Variants in JAKMIP3 observed in about 807,000 individuals in gnomAD.
The protein encoded by JAKMIP3 is Janus kinase and microtubule interacting protein 3.
A neutral mutation model predicts 118.5 loss-of-function variants in JAKMIP3; 58 were observed. The ratio of observed to expected loss-of-function variants is 0.49; its 90% CI spans 0.40 to 0.61. The LOEUF is 0.61. Ranked by LOEUF, JAKMIP3 falls within the 20% of genes least tolerant of loss-of-function variation. The pLI, the probability that JAKMIP3 is intolerant of heterozygous loss-of-function variation, is 0.00. For missense variants in JAKMIP3, 950 were observed against 1,109.0 expected, an observed-to-expected ratio of 0.86 and a Z score of 2.04; for synonymous variants, 486 against 451.2, an observed-to-expected ratio of 1.08 and a Z score of -0.98.
chr10:132,150,089 C>T, intron 16 of JAKMIP3, 48 bp downstream of exon 16: 1 of 1,487,344 alleles, frequency 6.7e-7, no homozygotes, highest in Non-Finnish European at 9.2e-7. Context: ...CCACAACCCC[C>T]AGCCCAGCCC....
At chr10:132,105,873 ATCTCTC>A (rs2045824287) in intron 2 of JAKMIP3, among the ~76,000 whole-genome samples, 1 of 134,334 alleles carries the variant, frequency 7.4e-6, no homozygotes, top group Admixed American at 7.1e-5. Context: ...CATCAAAGGC[ATCTCTC>A]TTGGGACCTG....
chr10:132,117,488 G>GCCGCAGAGAT lies in JAKMIP3; in HGVS notation c.554_563dup (p.Ser188ArgfsTer34). On this transcript the variant is annotated frameshift_variant, in exon 3 of 24. Transcript: ENST00000684848. The surrounding 1 kb of genome is among the most constrained non-coding windows in gnomAD (Gnocchi z 8.6). ...GGTGATCCAAGCGGACAAGATCAAGGCCGCAGAGATCCGCAGCGTGTACCA... is the reference window on the plus strand; with the variant it reads ...GGTGATCCAAGCGGACAAGATCAAGGCCGCAGAGATCCGCAGAGATCCGCAGCGTGTACCA... 6.2e-7 allele frequency: 1 copy of GCCGCAGAGAT among 1,613,288 alleles called. No individual in the cohort carries two copies. The highest frequency in any genetic ancestry group is 8.5e-7 in the Non-Finnish European group (1 of 1,179,706).
chr10:132,086,510 G>A (rs1564881645), intron 1 of JAKMIP3, among the ~76,000 whole-genome samples: 4 of 152,202 alleles, frequency 2.6e-5, no homozygotes, highest in Non-Finnish European at 1.5e-5. Context: ...TTTAGGTCTA[G>A]TAGTAATTGT....
intron 1 of JAKMIP3, among the ~76,000 whole-genome samples, chr10:132,066,922 A>G (rs1393554929): frequency 1.3e-5 from 2 of 152,080 alleles, no homozygotes; most frequent in Non-Finnish European, 2.9e-5. Context: ...AGGGATGTAA[A>G]TACTTGCTGC....
chr10:132,104,826 G>A lies in JAKMIP3; in HGVS notation c.18G>A (p.Met6Ile). The A allele has an allele frequency of 1.3e-6, 2 of 1,552,546 alleles. No individual in the cohort carries two copies. Among genetic ancestry groups the A allele is most frequent in the Non-Finnish European group, 1.7e-6 (2 of 1,147,878 alleles). Residue 6 changes from methionine (M) to isoleucine (I), a missense_variant, in exon 2 of 24, where the codon ATG becomes ATA. By Grantham distance (10) the Met-to-Ile change is conservative. Coordinates refer to ENST00000684848, the MANE Select transcript of JAKMIP3 (RefSeq NM_001323087.2). ...GCCTCACCATGTCCAAGAGGGGCATGAGCAGCCGGGCCAAGGGGGACAAGG... is the reference window on the plus strand; with the variant it reads ...GCCTCACCATGTCCAAGAGGGGCATAAGCAGCCGGGCCAAGGGGGACAAGG... MSKRG[M>I]SSRAKGDKAE...
upstream of JAKMIP3, among the ~76,000 whole-genome samples, chr10:132,065,366 C>G (rs2038633172): frequency 6.6e-6 from 1 of 152,102 alleles, no homozygotes; most frequent in African/African-American, 2.4e-5. This position sits in a 1 kb window ranked among gnomAD's most constrained non-coding sequence, Gnocchi z 5.6. Flanking sequence ...ATTTTCAGTC[C>G]TCAGTGTTGA....
At chr10:132,165,107 G>A (rs912151645) in intron 21 of JAKMIP3, among the ~76,000 whole-genome samples, 4 of 152,218 alleles carry the variant, frequency 2.6e-5, no homozygotes, top group African/African-American at 4.8e-5. Context: ...CCTTTGATCC[G>A]TGCAGGTTCA....
rs112574365 is a variant in JAKMIP3, at chr10:132,097,904, T to TC, written c.-137-6764dup. On this transcript the variant is annotated intron_variant, in intron 1 of 23. Transcript: ENST00000684848. ...TATTTTCTTCCCTTCCCCTTCCCCTTCCCCTTCCCCTTCCCCTTTCCTTCC... is the reference window on the plus strand; with the variant it reads ...TATTTTCTTCCCTTCCCCTTCCCCTTCCCCCTTCCCCTTCCCCTTTCCTTCC... Among the ~76,000 whole-genome samples, 2 of 62,694 alleles carry TC rather than the reference T, an allele frequency of 3.2e-5. 1 individual carries two copies. The highest frequency in any genetic ancestry group is 3.1e-4 in the Admixed American group (2 of 6,516). 41.1% of individuals were successfully genotyped at this position (62,694 alleles called of 152,430 possible).
At chr10:132,063,147 C>T (rs895755178), upstream of JAKMIP3, among the ~76,000 whole-genome samples, 23 of 152,144 alleles carry the variant, frequency 1.5e-4, no homozygotes, top group African/African-American at 5.1e-4. Context: ...GGACAGGTGA[C>T]AACTGCCCGT....
intron 3 of JAKMIP3, among the ~76,000 whole-genome samples, chr10:132,132,239 G>A (rs777034760): frequency 1.3e-5 from 2 of 152,184 alleles, no homozygotes; most frequent in Non-Finnish European, 2.9e-5. Flanking sequence ...TTATTAGCTT[G>A]TTTAAACCTC....
chr10:132,104,789 C>T lies in JAKMIP3; in HGVS notation c.-20C>T. 3 of 1,547,780 alleles carry T rather than the reference C, an allele frequency of 1.9e-6. No individual in the cohort carries two copies. The highest frequency in any genetic ancestry group is 2.6e-6 in the Non-Finnish European group (3 of 1,145,040). On this transcript the variant is annotated 5_prime_UTR_variant, in exon 2 of 24. Transcript: ENST00000684848. ...GGAGCACCCTACCCCTGGGCATCCCCCTGGCCATCCAGCCTCACCATGTCC... is the reference window on the plus strand; with the variant it reads ...GGAGCACCCTACCCCTGGGCATCCCTCTGGCCATCCAGCCTCACCATGTCC...
At chr10:132,114,433 C>T (rs1401551569) in intron 2 of JAKMIP3, among the ~76,000 whole-genome samples, 2 of 152,084 alleles carry the variant, frequency 1.3e-5, no homozygotes, top group Non-Finnish European at 2.9e-5. Flanking sequence ...CTGTGTTGCC[C>T]AGGCTGGTCT....
At position 132,183,613 on chromosome 10, in the gene JAKMIP3, G is replaced by A. The variant is rs1292801913; in HGVS notation, c.*2360G>A. 2.0e-5 allele frequency: 3 copies of A among 152,214 alleles called. No individual in the cohort carries two copies. The highest frequency in any genetic ancestry group is 4.4e-5 in the Non-Finnish European group (3 of 68,044). 9.4% of individuals were successfully genotyped at this position (152,214 alleles called of 1,614,324 possible). A position where few individuals can be genotyped will look rare whatever the true frequency, so the allele number is the denominator to read the frequency against. On this transcript the variant is annotated 3_prime_UTR_variant, in exon 24 of 24. Coordinates refer to ENST00000684848, the MANE Select transcript of JAKMIP3 (RefSeq NM_001323087.2). ...AAAAAGTATGTATATAGGAACGGGA[G>A]AAGGTGCAAGGAATGTGCTGAATAA...
chr10:132,109,138 A>G (rs1246045188), intron 2 of JAKMIP3, among the ~76,000 whole-genome samples: 1 of 150,092 alleles, frequency 6.7e-6, no homozygotes, highest in Non-Finnish European at 1.5e-5. Context: ...ACACACATAT[A>G]TATATATATA....
chr10:132,156,580 C>T (rs1346148326), intron 19 of JAKMIP3, among the ~76,000 whole-genome samples: 2 of 152,152 alleles, frequency 1.3e-5, no homozygotes, highest in Non-Finnish European at 2.9e-5. Flanking sequence ...CACTGCAAGC[C>T]TCAGTTTGGT....
At chr10:132,120,210 G>A (rs1344239471) in intron 3 of JAKMIP3, among the ~76,000 whole-genome samples, 1 of 152,190 alleles carries the variant, frequency 6.6e-6, no homozygotes. Flanking sequence ...TTTATTTACT[G>A]TTTCGATGCT....
At chr10:132,081,030 G>A (rs901063267) in intron 1 of JAKMIP3, among the ~76,000 whole-genome samples, 1 of 152,150 alleles carries the variant, frequency 6.6e-6, no homozygotes, top group African/African-American at 2.4e-5. Flanking sequence ...CATCCCCTAA[G>A]TGTCATGAAA....
intron 1 of JAKMIP3, among the ~76,000 whole-genome samples, chr10:132,052,219 C>T (rs1253591923): frequency 1.3e-5 from 2 of 152,292 alleles, no homozygotes; most frequent in African/African-American, 4.8e-5. Flanking sequence ...GAGTGAGACC[C>T]TGTCTCAACA....
chr10:132,095,137 G>A (rs1209301303), intron 1 of JAKMIP3, among the ~76,000 whole-genome samples: 4 of 152,308 alleles, frequency 2.6e-5, no homozygotes, highest in African/African-American at 9.6e-5. Flanking sequence ...TTGAGAACGT[G>A]CCCCAGGCTA....
Sources: gnomAD v4.1 joint callset for allele counts (sites outside exome capture counted in the v4.1 genomes callset) on GRCh38, gnomAD v4.1.1 for gene constraint, Gnocchi (gnomAD v3.1) non-coding constraint, MANE v1.5 for transcripts, NCBI Gene and HGNC (gene_info 2026-07-23, HGNC 2026-07-21) for gene names.